Variants in CALN1 observed in about 807,000 individuals in gnomAD.
CALN1 encodes the protein calneuron 1.
CALN1 carries 17 observed loss-of-function variants against 30.6 expected under a neutral mutation model. That is an observed-to-expected ratio of 0.56 (90% CI 0.38 to 0.83). The LOEUF (loss-of-function observed/expected upper bound fraction) is 0.83, where lower values mean the gene tolerates loss of function less well. Ranked by LOEUF, CALN1 falls within the 40% of genes least tolerant of loss-of-function variation. The pLI, the probability that CALN1 is intolerant of heterozygous loss-of-function variation, is 0.00. For synonymous variants in CALN1, 156 were observed against 131.4 expected (o/e 1.19, Z -1.28); for missense variants, 291 against 354.9 (o/e 0.82, Z 1.45).
intron 3 of CALN1, among the ~76,000 whole-genome samples, chr7:72,201,148 C>A (rs911112292): frequency 2.0e-5 from 3 of 152,112 alleles, no homozygotes; most frequent in Non-Finnish European, 4.4e-5. Context: ...AGCTGGAGGC[C>A]ATTATCCTAA....
chr7:72,003,048 CTCAG>C (rs1159534435), intron 5 of CALN1, among the ~76,000 whole-genome samples: 1 of 152,090 alleles, frequency 6.6e-6, no homozygotes, highest in Non-Finnish European at 1.5e-5. Flanking sequence ...TTTAAATGAT[CTCAG>C]TAAGTATGTG....
chr7:72,031,775 T>C (rs938789934), intron 4 of CALN1, among the ~76,000 whole-genome samples: 4 of 140,128 alleles, frequency 2.9e-5, no homozygotes, highest in Admixed American at 1.6e-4. Flanking sequence ...AGAAACTCGC[T>C]CTGTCATCCA....
the CALN1 span, among the ~76,000 whole-genome samples, chr7:72,493,286 G>A: frequency 6.6e-6 from 1 of 151,940 alleles, no homozygotes; most frequent in Non-Finnish European, 1.5e-5. Context: ...TGACTAAATG[G>A]CCTCTTTCAT....
intron 2 of CALN1, among the ~76,000 whole-genome samples, chr7:72,392,490 T>C (rs1420105540): frequency 6.6e-6 from 1 of 152,150 alleles, no homozygotes; most frequent in Non-Finnish European, 1.5e-5. Context: ...AAGGGGCACA[T>C]AGTGAAACAG....
intron 2 of CALN1, among the ~76,000 whole-genome samples, chr7:72,326,423 C>T (rs369393917): frequency 4.6e-5 from 7 of 152,224 alleles, no homozygotes; most frequent in African/African-American, 1.2e-4. Context: ...AAGCAGATGA[C>T]ACCTACTAAG....
the CALN1 span, among the ~76,000 whole-genome samples, chr7:72,474,467 C>G: frequency 6.6e-6 from 1 of 152,096 alleles, no homozygotes; most frequent in Admixed American, 6.6e-5. Flanking sequence ...GGGAGGATCG[C>G]TTGAACCCAA....
At chr7:72,292,820 C>CAAAAAA (rs57352664) in intron 2 of CALN1, among the ~76,000 whole-genome samples, 34 of 112,830 alleles carry the variant, frequency 3.0e-4, no homozygotes, top group African/African-American at 9.4e-4. Flanking sequence ...TACTCTGTCT[C>CAAAAAA]AAAAAAAAAA....
At position 72,355,972 on chromosome 7, in the gene CALN1, G is replaced by A. The variant is rs565462601; in HGVS notation, c.119+47279C>T. On this transcript the variant is annotated intron_variant, in intron 2 of 6. Transcript: ENST00000395275. ...ATTTGAAAAGAAAGAAGAAAATGAAGCCTTAAAAAAAATTATGGTTGTACA... is the reference window on the plus strand; with the variant it reads ...ATTTGAAAAGAAAGAAGAAAATGAAACCTTAAAAAAAATTATGGTTGTACA... Among the ~76,000 whole-genome samples the A allele has an allele frequency of 2.0e-5, 3 of 152,148 alleles. No individual in the cohort carries two copies. In the South Asian group the frequency reaches 6.2e-4, roughly 32 times the overall value.
At chr7:72,447,827 A>C (rs138304781), upstream of CALN1, among the ~76,000 whole-genome samples, 43 of 150,020 alleles carry the variant, frequency 2.9e-4, no homozygotes, top group East Asian at 8.1e-3. Flanking sequence ...ATGTACACAC[A>C]TACCCACCCG....
intron 4 of CALN1, among the ~76,000 whole-genome samples, chr7:72,052,444 G>A (rs1802894637): frequency 6.7e-6 from 1 of 148,314 alleles, no homozygotes; most frequent in South Asian, 2.4e-4. Flanking sequence ...CAGGCTCTGG[G>A]GGGATTCAGG....
At chr7:72,367,711 T>A (rs1020171309) in intron 2 of CALN1, among the ~76,000 whole-genome samples, 1 of 152,208 alleles carries the variant, frequency 6.6e-6, no homozygotes, top group Admixed American at 6.6e-5. Context: ...GGCACACGCC[T>A]GTGGTCCCAG....
chr7:72,439,152 T>A (rs1562969197), intron 1 of CALN1, among the ~76,000 whole-genome samples: 1 of 152,114 alleles, frequency 6.6e-6, no homozygotes, highest in Non-Finnish European at 1.5e-5. Flanking sequence ...CTCCTTAGCC[T>A]CCCGAGTAGC....
chr7:72,285,824 A>G (rs1023258614), intron 2 of CALN1, among the ~76,000 whole-genome samples: 1 of 152,220 alleles, frequency 6.6e-6, no homozygotes, highest in Non-Finnish European at 1.5e-5. Flanking sequence ...TGAGCTCTCT[A>G]TAGAGTGCTA....
intron 3 of CALN1, among the ~76,000 whole-genome samples, chr7:72,227,197 A>G (rs1482618082): frequency 6.6e-6 from 1 of 151,304 alleles, no homozygotes. Context: ...CCTTTGTAAC[A>G]AATCTGCACA....
At chr7:72,013,610 AC>A (rs1161793802) in intron 5 of CALN1, among the ~76,000 whole-genome samples, 1 of 152,144 alleles carries the variant, frequency 6.6e-6, no homozygotes, top group African/African-American at 2.4e-5. Flanking sequence ...ATAGCCTAAT[AC>A]AAACAAGTAT....
At chr7:72,415,099 G>T (rs141062124), upstream of CALN1, among the ~76,000 whole-genome samples, 25 of 152,358 alleles carry the variant, frequency 1.6e-4, no homozygotes, top group East Asian at 4.8e-3. Context: ...GACCATGCTG[G>T]CACTTTGACC....
chr7:72,168,306 C>A (rs1340773105), intron 3 of CALN1, among the ~76,000 whole-genome samples: 1 of 151,180 alleles, frequency 6.6e-6, no homozygotes, highest in African/African-American at 2.4e-5. Flanking sequence ...GTCCAACGAT[C>A]TATAATCTGT....
At chr7:71,952,183 G>A (rs1796726182) in intron 5 of CALN1, among the ~76,000 whole-genome samples, 1 of 152,078 alleles carries the variant, frequency 6.6e-6, no homozygotes, top group Admixed American at 6.5e-5. Flanking sequence ...TTGGATATGC[G>A]ACCTGCAACT....
chr7:72,159,894 A>T (rs1203046289), intron 3 of CALN1, among the ~76,000 whole-genome samples: 1 of 152,264 alleles, frequency 6.6e-6, no homozygotes, highest in Non-Finnish European at 1.5e-5. Flanking sequence ...TGAAAGAAAC[A>T]GATATCTCTG....
Sources: gnomAD v4.1 joint callset for allele counts (sites outside exome capture counted in the v4.1 genomes callset) on GRCh38, gnomAD v4.1.1 for gene constraint, MANE v1.5 for transcripts, NCBI Gene and HGNC (gene_info 2026-07-23, HGNC 2026-07-21) for gene names.